Variants in ZNF69 observed in about 807,000 individuals in gnomAD.
ZNF69 encodes zinc finger protein 69.
ZNF69 carries 47 observed loss-of-function variants against 50.9 expected under a neutral mutation model. The observed-to-expected ratio is 0.92, with a 90% CI of 0.73 to 1.18. ZNF69 has a LOEUF of 1.18. Ranked by LOEUF, ZNF69 falls within the 50% of genes most tolerant of loss-of-function variation. The pLI, the probability that ZNF69 is intolerant of heterozygous loss-of-function variation, is 0.00. For missense variants in ZNF69, 717 were observed against 675.1 expected, an observed-to-expected ratio of 1.06 and a Z score of -0.69; for synonymous variants, 216 against 223.1, an observed-to-expected ratio of 0.97 and a Z score of 0.29.
chr19:11,917,463 C>G (rs927420954), downstream of ZNF69, among the ~76,000 whole-genome samples: 1 of 152,168 alleles, frequency 6.6e-6, no homozygotes, highest in African/African-American at 2.4e-5. Context: ...TGGCCTGTGT[C>G]TCCACGGTCC....
At chr19:11,964,952 A>G in the ZNF69 span, 17 of 469,376 alleles carry the variant, frequency 3.6e-5, 1 homozygote, top group Non-Finnish European at 5.4e-5. Flanking sequence ...CTCAGAAGTG[A>G]GGGGCGGGGC....
At chr19:11,895,732 G>T (rs1057055328) in intron 1 of ZNF69, among the ~76,000 whole-genome samples, 1 of 152,102 alleles carries the variant, frequency 6.6e-6, no homozygotes, top group African/African-American at 2.4e-5. Flanking sequence ...GCATGCTAAG[G>T]TAACATATAA....
At chr19:11,896,728 A>G (rs756470840) in intron 1 of ZNF69, among the ~76,000 whole-genome samples, 22 of 152,146 alleles carry the variant, frequency 1.4e-4, no homozygotes, top group Non-Finnish European at 2.4e-4. Context: ...TGATGCAAAT[A>G]TTCATGCCGT....
At chr19:11,913,611 G>T in exon 5 of ZNF69, 2 of 316,670 alleles carry the variant, frequency 6.3e-6, no homozygotes, top group African/African-American at 2.2e-5. Flanking sequence ...GGCTGGTCTT[G>T]AACTCCAGAC....
In ZNF69 at chr19:11,905,656, A is replaced by T; in HGVS notation, c.1259A>T (p.Gln420Leu). The change falls in exon 4 of 4, where the codon CAA becomes CTA. Residue 420 changes from glutamine to leucine, a missense_variant. By Grantham distance (113) the Gln-to-Leu change is moderately radical. Transcript: ENST00000429654. ...GGAGAGAAACCCTATGAGTGTAAGC[A>T]ATGTGGGAAGGCCTTCAGATCTTCC... is the stretch of plus-strand genomic sequence containing the variant. The part of the protein sequence containing the change: ...HTGEKPYECK[Q>L]CGKAFRSSSH... The T allele has an allele frequency of 6.2e-7, 1 of 1,614,024 alleles. No individual in the cohort carries two copies. The highest frequency in any genetic ancestry group is 8.5e-7 in the Non-Finnish European group (1 of 1,179,996).
the ZNF69 span, chr19:11,965,152 C>G: frequency 1.2e-6 from 2 of 1,612,082 alleles, no homozygotes. Flanking sequence ...CTGCGCTGTG[C>G]CCTTCTGTAG....
the ZNF69 span, chr19:11,924,980 G>T: frequency 6.4e-6 from 3 of 465,668 alleles, no homozygotes; most frequent in Non-Finnish European, 1.2e-5. Context: ...CTGGCTCTGC[G>T]GGGCCTGATA....
At chr19:11,897,871 C>CAA (rs564395635) in intron 1 of ZNF69, among the ~76,000 whole-genome samples, 11 of 63,370 alleles carry the variant, frequency 1.7e-4, no homozygotes, top group African/African-American at 5.5e-4. Context: ...GACTCCATCT[C>CAA]AAAAAAAAAA....
chr19:11,925,289 C>A, the ZNF69 span: 1 of 1,611,020 alleles, frequency 6.2e-7, no homozygotes, highest in South Asian at 1.1e-5. Context: ...TGTGCGGGAC[C>A]AGATGTCGTG....
chr19:11,902,848 A>G (rs1972275266), intron 1 of ZNF69, among the ~76,000 whole-genome samples: 3 of 152,110 alleles, frequency 2.0e-5, no homozygotes, highest in African/African-American at 7.2e-5. Flanking sequence ...CAGATGCTAC[A>G]GTCCAAAGAC....
chr19:11,917,561 G>T (rs1040800473), downstream of ZNF69, among the ~76,000 whole-genome samples: 8 of 152,024 alleles, frequency 5.3e-5, no homozygotes, highest in Admixed American at 5.2e-4. Flanking sequence ...TACCTGAGCT[G>T]CCTCCCTTTT....
the ZNF69 span, among the ~76,000 whole-genome samples, chr19:11,962,599 G>GA: frequency 6.8e-6 from 1 of 147,030 alleles, no homozygotes; most frequent in African/African-American, 2.7e-5. Context: ...AGGCTCAAGT[G>GA]ACCCCCCCCC....
chr19:11,892,074 C>G (rs1977103903), intron 1 of ZNF69, among the ~76,000 whole-genome samples: 1 of 151,712 alleles, frequency 6.6e-6, no homozygotes, highest in African/African-American at 2.4e-5. Flanking sequence ...ACCTCCCTGG[C>G]TCAAGCACCT....
chr19:11,949,079 A>G, the ZNF69 span: 3 of 1,610,604 alleles, frequency 1.9e-6, no homozygotes, highest in Non-Finnish European at 2.5e-6. Context: ...TTTCAAACAC[A>G]CATAAGAATG....
chr19:11,925,644 C>T, the ZNF69 span, among the ~76,000 whole-genome samples: 1 of 152,150 alleles, frequency 6.6e-6, no homozygotes, highest in Non-Finnish European at 1.5e-5. Context: ...TCTGTGGGGC[C>T]CCCAGTCCCC....
chr19:11,917,820 C>T (rs2145260273), downstream of ZNF69, among the ~76,000 whole-genome samples: 1 of 128,010 alleles, frequency 7.8e-6, no homozygotes, highest in East Asian at 2.0e-4. Context: ...GACAGTCTTG[C>T]TCTGTCACCC....
At chr19:11,891,618 C>G (rs1290819130) in intron 1 of ZNF69, among the ~76,000 whole-genome samples, 5 of 152,148 alleles carry the variant, frequency 3.3e-5, no homozygotes, top group African/African-American at 9.7e-5. Context: ...ATTTATTACT[C>G]TATTGATTTA....
the ZNF69 span, among the ~76,000 whole-genome samples, chr19:11,940,981 A>G: frequency 6.6e-6 from 1 of 151,440 alleles, no homozygotes; most frequent in Non-Finnish European, 1.5e-5. Flanking sequence ...CTTGAGCTAG[A>G]TACAGAGTGC....
downstream of ZNF69, among the ~76,000 whole-genome samples, chr19:11,919,040 C>A (rs1381824930): frequency 6.6e-6 from 1 of 151,966 alleles, no homozygotes; most frequent in Non-Finnish European, 1.5e-5. Context: ...GGACTACAGG[C>A]GCCCGCCACC....
Sources: gnomAD v4.1 joint callset for allele counts (sites outside exome capture counted in the v4.1 genomes callset) on GRCh38, gnomAD v4.1.1 for gene constraint, MANE v1.5 for transcripts, NCBI Gene and HGNC (gene_info 2026-07-23, HGNC 2026-07-21) for gene names.